DPP10: variants seen among roughly 807,000 people sequenced by gnomAD.
The protein encoded by DPP10 is inactive dipeptidyl peptidase 10.
In DPP10, 33 loss-of-function variants were observed where a neutral mutation model predicts 120.9. The ratio of observed to expected loss-of-function variants is 0.27; its 90% CI spans 0.21 to 0.37. The LOEUF is 0.37. Among genes scored for constraint, DPP10 ranks in the 10% least tolerant of loss-of-function variants. The pLI, the probability that DPP10 is intolerant of heterozygous loss-of-function variation, is 1.00. For synonymous variants in DPP10, 337 were observed against 326.1 expected (o/e 1.03, Z -0.36); for missense variants, 816 against 942.8 (o/e 0.87, Z 1.76).
intron 1 of DPP10, among the ~76,000 whole-genome samples, chr2:114,762,977 A>G (rs1048715998): frequency 6.6e-6 from 1 of 152,198 alleles, no homozygotes; most frequent in Non-Finnish European, 1.5e-5. Flanking sequence ...TATATGTCAT[A>G]TGTCATTGGG....
chr2:115,484,458 C>CACATTGCAT (rs2075644356), intron 3 of DPP10, among the ~76,000 whole-genome samples: 2 of 152,052 alleles, frequency 1.3e-5, no homozygotes, highest in Admixed American at 6.6e-5. Flanking sequence ...GCCTAATTAG[C>CACATTGCAT]ACATTGCATA....
At chr2:115,081,894 T>C (rs1202511940) in intron 1 of DPP10, among the ~76,000 whole-genome samples, 1 of 152,222 alleles carries the variant, frequency 6.6e-6, no homozygotes, top group Admixed American at 6.5e-5. Context: ...CTTCCAATTT[T>C]AGGTGAATTC....
At chr2:114,712,992 C>CTT (rs70937300) in intron 1 of DPP10, among the ~76,000 whole-genome samples, 12,550 of 132,532 alleles carry the variant, frequency 0.095, 821 homozygotes, top group East Asian at 0.25. Flanking sequence ...TAACCAAATT[C>CTT]TTTTTTTTTT....
chr2:115,506,010 C>A (rs2076921501), intron 4 of DPP10, among the ~76,000 whole-genome samples: 1 of 131,232 alleles, frequency 7.6e-6, no homozygotes, highest in Non-Finnish European at 1.7e-5. Context: ...AATAATAAAA[C>A]ACTCAGTGTT....
chr2:114,783,578 T>G (rs933150495), intron 1 of DPP10, among the ~76,000 whole-genome samples: 3 of 152,174 alleles, frequency 2.0e-5, no homozygotes, highest in African/African-American at 7.2e-5. Flanking sequence ...GGCGCACATC[T>G]GTAATTCCAG....
intron 1 of DPP10, among the ~76,000 whole-genome samples, chr2:114,893,698 C>A (rs926101638): frequency 4.6e-5 from 7 of 152,076 alleles, no homozygotes; most frequent in African/African-American, 1.7e-4. Flanking sequence ...ATGACCTGCT[C>A]CAGGTTAATA....
chr2:114,757,394 G>C (rs577269300), intron 1 of DPP10, among the ~76,000 whole-genome samples: 3 of 147,626 alleles, frequency 2.0e-5, no homozygotes, highest in African/African-American at 7.5e-5. Context: ...AAAGGAGGGA[G>C]GGAGAGAGAG....
intron 5 of DPP10, among the ~76,000 whole-genome samples, chr2:115,565,183 C>T (rs1465049111): frequency 6.6e-6 from 1 of 152,138 alleles, no homozygotes; most frequent in African/African-American, 2.4e-5. Flanking sequence ...AGATAATTTA[C>T]ATTTTTGTTT....
intron 1 of DPP10, among the ~76,000 whole-genome samples, chr2:114,973,518 C>T (rs915569494): frequency 5.3e-5 from 8 of 151,310 alleles, no homozygotes; most frequent in African/African-American, 1.5e-4. Flanking sequence ...AAAAATTAGC[C>T]GGGCGTGGTG....
chr2:114,801,677 T>G (rs1271112549), intron 1 of DPP10, among the ~76,000 whole-genome samples: 4 of 152,220 alleles, frequency 2.6e-5, no homozygotes, highest in Non-Finnish European at 5.9e-5. Context: ...TCATAATATT[T>G]CTCTTCAGTA....
chr2:114,743,092 A>G (rs1678225823), intron 1 of DPP10, among the ~76,000 whole-genome samples: 1 of 152,232 alleles, frequency 6.6e-6, no homozygotes, highest in African/African-American at 2.4e-5. Context: ...TCTTCTGCGT[A>G]AAGACAAAAG....
intron 3 of DPP10, among the ~76,000 whole-genome samples, chr2:115,356,346 G>T (rs1169048410): frequency 6.6e-6 from 1 of 151,818 alleles, no homozygotes; most frequent in Non-Finnish European, 1.5e-5. Flanking sequence ...TCATGATTTT[G>T]CCCTCTGCTT....
intron 3 of DPP10, among the ~76,000 whole-genome samples, chr2:115,367,105 T>A (rs1369531665): frequency 1.3e-5 from 2 of 152,032 alleles, no homozygotes; most frequent in Non-Finnish European, 2.9e-5. Flanking sequence ...GTCACATACT[T>A]TAAGTAGTAC....
intron 10 of DPP10, chr2:115,750,283 A>G: frequency 1.2e-6 from 1 of 824,020 alleles, no homozygotes; most frequent in Non-Finnish European, 1.5e-6. Context: ...AGGGAGATGT[A>G]CACCTAGGCT....
At chr2:115,281,751 A>G (rs925127512) in intron 1 of DPP10, among the ~76,000 whole-genome samples, 8 of 152,176 alleles carry the variant, frequency 5.3e-5, no homozygotes, top group African/African-American at 1.7e-4. Flanking sequence ...ATAAATATAC[A>G]TGATCAATAT....
At chr2:114,720,222 A>C (rs1701616295) in intron 1 of DPP10, among the ~76,000 whole-genome samples, 1 of 152,242 alleles carries the variant, frequency 6.6e-6, no homozygotes. Flanking sequence ...AATGAGGCCC[A>C]GTTCCAGTTT....
At chr2:115,054,938 C>T (rs1483755760) in intron 1 of DPP10, among the ~76,000 whole-genome samples, 2 of 152,056 alleles carry the variant, frequency 1.3e-5, no homozygotes, top group South Asian at 2.1e-4. Flanking sequence ...ACATATCATA[C>T]CTGCTATGTA....
At chr2:114,547,126 G>A (rs1407162135) in intron 1 of DPP10, among the ~76,000 whole-genome samples, 1 of 152,262 alleles carries the variant, frequency 6.6e-6, no homozygotes, top group East Asian at 1.9e-4. Context: ...CAGTGCCCCT[G>A]TGGTTTAATG....
chr2:115,842,187 T>A, intron 25 of DPP10, 24 bp from the exon 26 acceptor site: 1 of 1,553,774 alleles, frequency 6.4e-7, no homozygotes, highest in African/African-American at 1.4e-5. Context: ...TAATTTGAAA[T>A]CTTCTTTCTC....
Sources: gnomAD v4.1 joint callset for allele counts (sites outside exome capture counted in the v4.1 genomes callset) on GRCh38, gnomAD v4.1.1 for gene constraint, MANE v1.5 for transcripts, NCBI Gene and HGNC (gene_info 2026-07-23, HGNC 2026-07-21) for gene names.